The following ATL1 variants were observed in gnomAD, a reference collection of about 807,000 sequenced individuals.
ATL1 encodes atlastin GTPase 1, also known as atlastin-1.
ATL1 carries 31 observed loss-of-function variants against 75.5 expected under a neutral mutation model. The observed-to-expected ratio is 0.41, with a 90% CI of 0.31 to 0.55. The LOEUF (loss-of-function observed/expected upper bound fraction) is 0.55. Among genes scored for constraint, ATL1 ranks in the 20% least tolerant of loss-of-function variants. ATL1 has a pLI of 0.27. For missense variants in ATL1, 405 were observed against 662.6 expected (o/e 0.61, Z 4.27); for synonymous variants, 226 against 233.3 (o/e 0.97, Z 0.28).
intron 9 of ATL1, among the ~76,000 whole-genome samples, chr14:50,621,425 T>G (rs1171467281): frequency 1.3e-5 from 2 of 152,266 alleles, no homozygotes; most frequent in African/African-American, 4.8e-5. Context: ...ATCTAAAATA[T>G]GAATTTTTAC....
chr14:50,540,802 A>G (rs1028136353), intron 1 of ATL1, among the ~76,000 whole-genome samples: 1 of 152,154 alleles, frequency 6.6e-6, no homozygotes, highest in African/African-American at 2.4e-5. Flanking sequence ...AACAAGTGTA[A>G]CCTCCCTAGC....
intron 11 of ATL1, among the ~76,000 whole-genome samples, chr14:50,623,991 G>C (rs891642776): frequency 2.8e-4 from 43 of 152,188 alleles, no homozygotes; most frequent in African/African-American, 9.7e-4. Context: ...GGAAGTGGAG[G>C]TTGCAGTGAG....
chr14:50,547,451 C>G (rs961516561), intron 1 of ATL1, among the ~76,000 whole-genome samples: 8 of 152,110 alleles, frequency 5.3e-5, no homozygotes, highest in Admixed American at 1.3e-4. Context: ...AGGACGGAGT[C>G]TGAAAATAAA....
Position 50,621,865 on chromosome 14 carries a change from G to C in ATL1, c.1013G>C (p.Gly338Ala). 1 of 1,598,818 alleles carries C rather than the reference G, an allele frequency of 6.3e-7. No individual in the cohort carries two copies. Among genetic ancestry groups the C allele is most frequent in the Non-Finnish European group, 8.6e-7 (1 of 1,167,180 alleles). Residue 338 changes from glycine (G) to alanine (A), a missense_variant, in exon 10 of 14, where the codon GGT becomes GCT. By Grantham distance (60) the Gly-to-Ala change is moderately conservative. Transcript: ENST00000358385. ...YFKAYIKIYQ[G>A]EELPHPKSML... ...TAGGCTTATATAAAGATCTATCAAG[G>C]TGAAGAATTACCACATCCCAAATCC...
chr14:50,565,624 AT>A (rs1453902882), intron 1 of ATL1, among the ~76,000 whole-genome samples: 3 of 151,760 alleles, frequency 2.0e-5, no homozygotes, highest in Non-Finnish European at 4.4e-5. Flanking sequence ...TCCTATGTAT[AT>A]TTTTTATACT....
intron 8 of ATL1, among the ~76,000 whole-genome samples, chr14:50,616,350 G>A (rs565388186): frequency 2.0e-5 from 3 of 152,200 alleles, no homozygotes; most frequent in African/African-American, 7.2e-5. Flanking sequence ...AGGCTGGAGT[G>A]CAGCGGTGTG....
intron 6 of ATL1, among the ~76,000 whole-genome samples, chr14:50,603,578 T>A (rs1324344381): frequency 6.6e-6 from 1 of 152,232 alleles, no homozygotes; most frequent in East Asian, 1.9e-4. Context: ...CAATTAGGAA[T>A]TATTTTACTC....
chr14:50,623,885 T>G (rs568708651), intron 11 of ATL1, among the ~76,000 whole-genome samples: 15 of 149,538 alleles, frequency 1.0e-4, no homozygotes, highest in African/African-American at 3.4e-4. Flanking sequence ...ACCCTCTCTC[T>G]ACTAAAATAA....
At chr14:50,563,922 TA>T (rs531166932) in intron 1 of ATL1, among the ~76,000 whole-genome samples, 77 of 152,336 alleles carry the variant, frequency 5.1e-4, no homozygotes, top group African/African-American at 1.8e-3. Flanking sequence ...TCAGAGAGCA[TA>T]AATGACTTGC....
At chr14:50,623,324 C>T in intron 11 of ATL1, 76 bp downstream of exon 11, 1 of 1,185,458 alleles carries the variant, frequency 8.4e-7, no homozygotes, top group Non-Finnish European at 1.2e-6. Flanking sequence ...TTTTTTCTTC[C>T]ATGTTACACT....
chr14:50,608,020 G>T (rs542625024), intron 6 of ATL1, among the ~76,000 whole-genome samples: 1 of 152,148 alleles, frequency 6.6e-6, no homozygotes, highest in East Asian at 1.9e-4. Context: ...AATAAAATTT[G>T]TCATGATTTT....
chr14:50,534,590 C>T (rs999848993), intron 1 of ATL1, among the ~76,000 whole-genome samples: 4 of 152,164 alleles, frequency 2.6e-5, no homozygotes, highest in African/African-American at 9.7e-5. Context: ...CCCTGGAGTG[C>T]GGATATTTTA....
At chr14:50,613,488 AT>A (rs1480407843) in intron 7 of ATL1, 137 bp downstream of exon 7, 1 of 706,454 alleles carries the variant, frequency 1.4e-6, no homozygotes, top group East Asian at 2.7e-5. Flanking sequence ...CAGGTGAAGA[AT>A]TCTTTGTATA....
At chr14:50,571,516 A>G (rs531658017) in intron 1 of ATL1, among the ~76,000 whole-genome samples, 14 of 152,308 alleles carry the variant, frequency 9.2e-5, no homozygotes, top group Admixed American at 5.9e-4. Context: ...ATTCATAATT[A>G]TTAGTATTTA....
chr14:50,588,172 AT>A (rs2039120906), intron 2 of ATL1, 94 bp downstream of exon 2: 1 of 1,459,934 alleles, frequency 6.8e-7, no homozygotes, highest in South Asian at 1.2e-5. Flanking sequence ...CATTTCTATT[AT>A]TATGTACCCT....
chr14:50,533,219 T>C (rs1219405599), exon 1 of ATL1: 1 of 152,208 alleles, frequency 6.6e-6, no homozygotes, highest in East Asian at 1.9e-4. Flanking sequence ...ATCGCTGGTA[T>C]TGCACCTTTA....
rs192353453 is a variant in ATL1, at chr14:50,595,997, T to C, written c.630+365T>C. On this transcript the variant is annotated intron_variant, in intron 6 of 13. Coordinates refer to ENST00000358385, the MANE Select transcript of ATL1 (RefSeq NM_015915.5). Reference sequence around the variant, plus strand: ...AAATTAAACATCCAGCCATATCTTATGAGATGTATTAAACATAAGAATGTG... The same window carrying C: ...AAATTAAACATCCAGCCATATCTTACGAGATGTATTAAACATAAGAATGTG... 2.6e-4 allele frequency among the ~76,000 whole-genome samples: 40 copies of C among 152,156 alleles called. 1 individual carries two copies. The highest frequency in any genetic ancestry group is 2.3e-3 in the Admixed American group (35 of 15,284).
At chr14:50,592,686 C>T (rs932056535) in intron 4 of ATL1, among the ~76,000 whole-genome samples, 29 of 151,556 alleles carry the variant, frequency 1.9e-4, no homozygotes, top group East Asian at 7.8e-4. Flanking sequence ...CCGAGGCGGG[C>T]GGATCACGAG....
At chr14:50,582,304 A>T (rs964481338) in intron 1 of ATL1, among the ~76,000 whole-genome samples, 2 of 152,040 alleles carry the variant, frequency 1.3e-5, no homozygotes, top group Non-Finnish European at 2.9e-5. Flanking sequence ...AATGACAGTT[A>T]AAAATCATCT....
Sources: allele counts gnomAD v4.1 joint callset (sites outside exome capture counted in the v4.1 genomes callset), GRCh38; gene constraint gnomAD v4.1.1; transcripts MANE v1.5; gene names NCBI Gene and HGNC (gene_info 2026-07-23, HGNC 2026-07-21).